The following NKPD1 variants were observed in gnomAD, a reference collection of about 807,000 sequenced individuals.
NKPD1 encodes NTPase KAP family P-loop domain containing 1, also known as NTPase KAP family P-loop domain-containing protein 1.
NKPD1 carries 37 observed loss-of-function variants against 42.2 expected under a neutral mutation model. The ratio of observed to expected loss-of-function variants is 0.88; its 90% confidence interval spans 0.67 to 1.15. The LOEUF is 1.15. Ranked by LOEUF, NKPD1 falls within the 50% of genes most tolerant of loss-of-function variation. NKPD1 has a pLI of 0.00. For missense variants in NKPD1, 1,113 were observed against 1,174.6 expected, an observed-to-expected ratio of 0.95 and a Z score of 0.77; for synonymous variants, 552 against 536.5, an observed-to-expected ratio of 1.03 and a Z score of -0.40.
intron 3 of NKPD1, among the ~76,000 whole-genome samples, chr19:45,157,704 G>A (rs1290384488): frequency 1.5e-5 from 2 of 137,806 alleles, no homozygotes; most frequent in African/African-American, 5.5e-5. Context: ...GCATGAGCCA[G>A]TGCGCCCAGA....
Position 45,151,884 on chromosome 19 carries a change from C to G in NKPD1, c.*54G>C. On this transcript the variant is annotated 3_prime_UTR_variant, in exon 5 of 5. Coordinates refer to ENST00000686631, the MANE Select transcript of NKPD1 (RefSeq NM_198478.4). ...GGCCCCAGTCCAGCCCCCTATTCTCCCATCTGGGCAGATGGAGGAACCCTT... is the reference window on the plus strand; with the variant it reads ...GGCCCCAGTCCAGCCCCCTATTCTCGCATCTGGGCAGATGGAGGAACCCTT... 6.8e-7 allele frequency: 1 copy of G among 1,465,218 alleles called. No individual in the cohort carries two copies. The highest frequency in any genetic ancestry group is 9.1e-7 in the Non-Finnish European group (1 of 1,103,370). 90.8% of individuals were successfully genotyped at this position (1,465,218 alleles called of 1,614,324 possible).
Position 45,158,724 on chromosome 19 carries a change from G to A in NKPD1, c.468C>T (p.Pro156=). 1 of 1,201,796 alleles carries A rather than the reference G, an allele frequency of 8.3e-7. No individual in the cohort carries two copies. The highest frequency in any genetic ancestry group is 1.1e-6 in the Non-Finnish European group (1 of 942,556). The allele number at this position is 1,201,796 out of a possible 1,614,324, so 74.4% of individuals were successfully genotyped here. The change falls in exon 3 of 5, where the codon CCC becomes CCT. Residue 156 remains proline, a synonymous_variant. Coordinates refer to ENST00000686631, the MANE Select transcript of NKPD1 (RefSeq NM_198478.4). This position sits in a 1 kb window ranked among gnomAD's most constrained non-coding sequence, Gnocchi z 4.6. The part of the protein sequence containing the change: ...AAGVLLKPSE[P]TDARPLPAPA... ...GGGCGGGCAGGGGCCGGGCATCAGT[G>A]GGCTCGCTGGGCTTCAGGAGGACGC... is the stretch of plus-strand genomic sequence containing the variant.
chr19:45,155,114 G>A (rs1026503688), intron 4 of NKPD1, among the ~76,000 whole-genome samples: 3 of 150,698 alleles, frequency 2.0e-5, no homozygotes, highest in African/African-American at 7.3e-5. Flanking sequence ...GAGGTCAAGA[G>A]ATCGAGACCA....
chr19:45,157,079 C>T (rs970214185), intron 3 of NKPD1, among the ~76,000 whole-genome samples: 10 of 152,366 alleles, frequency 6.6e-5, no homozygotes, highest in South Asian at 4.1e-4. Context: ...GAAACCCAGC[C>T]GTCTCCACCT....
chr19:45,158,768 C>T lies in NKPD1; in HGVS notation c.424G>A (p.Ala142Thr), dbSNP rs1370352578. 1 of 1,236,034 alleles carries T rather than the reference C, an allele frequency of 8.1e-7. No homozygotes were observed. Among genetic ancestry groups the T allele is most frequent in the African/African-American group, 1.6e-5 (1 of 63,144 alleles). The allele number at this position is 1,236,034 out of a possible 1,614,324, so 76.6% of individuals were successfully genotyped here. ...TAPAMARSGP[A>T]LPSAAGVLLK... ...AGGACGCCAGCCGCGGAGGGTAGAG[C>T]TGGGCCACTCCTGGCCATGGCTGGT... Residue 142 changes from alanine (A) to threonine (T), a missense_variant, in exon 3 of 5, where the codon GCT (alanine) becomes ACT (threonine). Transcript: ENST00000686631. This position sits in a 1 kb window ranked among gnomAD's most constrained non-coding sequence, Gnocchi z 4.6.
chr19:45,156,228 G>A (rs929710872), intron 3 of NKPD1, among the ~76,000 whole-genome samples: 2 of 152,188 alleles, frequency 1.3e-5, no homozygotes, highest in African/African-American at 2.4e-5. Flanking sequence ...TCACTAGCCC[G>A]TGATTCCCCC....
In NKPD1 at chr19:45,152,048, C is replaced by T. The variant is rs1968788117; in HGVS notation, c.2389G>A (p.Gly797Arg). The stretch of plus-strand genomic sequence containing the variant: ...GTGTGGTGGCCTTCGCCGGCTTGCC[C>T]TGAGGCACGGCCCGACGGGGGCGCC... ...SRAPPSGRAS[G>R]QAGEGHHTGD... is the part of the protein sequence containing the mutation. The change falls in exon 5 of 5, where the codon GGG (glycine) becomes AGG (arginine). Residue 797 changes from glycine (G) to arginine (R), a missense_variant. By Grantham distance (125) the Gly-to-Arg change is moderately radical. This residue lies in a region of NKPD1 where 867 missense variants were observed against 870.1 expected (regional missense o/e 1.00). Transcript: ENST00000686631. 1 of 1,609,260 alleles carries T rather than the reference C, an allele frequency of 6.2e-7. No homozygotes were observed. The highest frequency in any genetic ancestry group is 8.5e-7 in the Non-Finnish European group (1 of 1,178,364).
In NKPD1 at chr19:45,152,026, T is replaced by C; in HGVS notation, c.2411A>G (p.His804Arg). 1 of 1,610,580 alleles carries C rather than the reference T, an allele frequency of 6.2e-7. No homozygotes were observed. Among genetic ancestry groups the C allele is most frequent in the South Asian group, 1.1e-5 (1 of 90,638 alleles). ...GCCCCTGTGGGCCAAGTCCCCAGTG[T>C]GGTGGCCTTCGCCGGCTTGCCCTGA... is the stretch of plus-strand genomic sequence containing the variant. The part of the protein sequence containing the change: ...RASGQAGEGH[H>R]TGDLAHRGKL... The change falls in exon 5 of 5, where the codon CAC becomes CGC. Residue 804 changes from histidine (H) to arginine (R), a missense_variant. Transcript: ENST00000686631.
At chr19:45,155,309 T>G (rs1449243040) in intron 4 of NKPD1, among the ~76,000 whole-genome samples, 1 of 151,180 alleles carries the variant, frequency 6.6e-6, no homozygotes, top group Non-Finnish European at 1.5e-5. Context: ...AGAGCAAGAT[T>G]CCGTCTCAAA....
At chr19:45,153,828 C>T (rs1968851002) in intron 4 of NKPD1, 53 bp from the exon 5 acceptor site, 1 of 1,404,194 alleles carries the variant, frequency 7.1e-7, no homozygotes, top group Non-Finnish European at 9.2e-7. Context: ...CCGGGGTGGG[C>T]GGGGCCTAGT....
At chr19:45,159,194 G>A (rs994400097) in intron 2 of NKPD1, 94 bp from the exon 3 acceptor site, 6 of 1,174,104 alleles carry the variant, frequency 5.1e-6, no homozygotes, top group Non-Finnish European at 6.5e-6. Flanking sequence ...AGAACCTGGG[G>A]GCCAGAGTAT....
upstream of NKPD1, among the ~76,000 whole-genome samples, chr19:45,162,599 C>T (rs1419585658): frequency 6.6e-6 from 1 of 152,106 alleles, no homozygotes; most frequent in Non-Finnish European, 1.5e-5. Flanking sequence ...CTGGCCTCCC[C>T]CTACCCCATG....
chr19:45,152,527 T>A lies in NKPD1; in HGVS notation c.1910A>T (p.Gln637Leu), dbSNP rs749449338. ...AAAGTCCCCCTGCTGCTGCTGCTGC[T>A]GCAGCAGGCGCACGGTGATGGGCAC... The part of the protein sequence containing the change: ...NTVPITVRLL[Q>L]QQQQQGDFGG... The change falls in exon 5 of 5, where the codon CAG (glutamine) becomes CTG (leucine). Residue 637 changes from glutamine (Q) to leucine (L), a missense_variant. Physicochemically the swap from Gln to Leu is moderately radical, Grantham distance 113 (BLOSUM62 -2). Around this residue, in one of 3 missense-constraint regions of NKPD1, gnomAD observed 867 missense variants for 870.1 expected, o/e 1.00. Coordinates refer to ENST00000686631, the MANE Select transcript of NKPD1 (RefSeq NM_198478.4). The A allele has an allele frequency of 8.9e-6, 14 of 1,571,728 alleles. No individual in the cohort carries two copies. Among genetic ancestry groups the A allele is most frequent in the East Asian group, 4.7e-5 (2 of 42,658 alleles).
chr19:45,153,196 AGCCGCTCGATCTTCTT>A lies in NKPD1; in HGVS notation c.1225_1240del (p.Lys409TrpfsTer17), dbSNP rs762040821. 51 of 1,589,044 alleles carry A rather than the reference AGCCGCTCGATCTTCTT, an allele frequency of 3.2e-5. No homozygotes were observed. Among genetic ancestry groups the A allele is most frequent in the Non-Finnish European group, 3.8e-5 (44 of 1,168,418 alleles). On this transcript the variant is annotated frameshift_variant, in exon 5 of 5. Coordinates refer to ENST00000686631, the MANE Select transcript of NKPD1 (RefSeq NM_198478.4). LOFTEE classifies it high-confidence loss of function. ...GCTGCCGAACTTTTCACGCGACACC[AGCCGCTCGATCTTCTT>A]GCGCTGGCTTACGAACAGGTGCTTG...
rs1439787549 is a variant in NKPD1 at position 45,153,415 on chromosome 19, C to G, written c.1022G>C (p.Cys341Ser). Reference protein sequence around the residue: ...QSEWHCRRRVCLGLLALLAAL... With the variant: ...QSEWHCRRRVSLGLLALLAAL... ...CGCCAGCAGCGCCAGCAGCCCCAGG[C>G]ACACGCGGCGCCGACAATGCCACTC... The change falls in exon 5 of 5, where the codon TGC (cysteine) becomes TCC (serine). Residue 341 changes from cysteine to serine, a missense_variant. Physicochemically the swap from Cys to Ser is moderately radical, Grantham distance 112. This residue lies in a region of NKPD1 where 867 missense variants were observed against 870.1 expected (regional missense o/e 1.00). Transcript: ENST00000686631. 6.4e-7 allele frequency: 1 copy of G among 1,550,622 alleles called. No individual in the cohort carries two copies. Among genetic ancestry groups the G allele is most frequent in the Non-Finnish European group, 8.7e-7 (1 of 1,151,874 alleles).
rs775563021 is a variant in NKPD1 at position 45,153,684 on chromosome 19, C to T, written c.753G>A (p.Pro251=). ...GGAACACCAGGTACCACAGTAGCTGCGGGACGCCCCAGCCGCTCACGGCAC... is the reference window on the plus strand; with the variant it reads ...GGAACACCAGGTACCACAGTAGCTGTGGGACGCCCCAGCCGCTCACGGCAC... ...RPRAVSGWGV[P]QLLWYLVFLQ... The change falls in exon 5 of 5, where the codon CCG becomes CCA. Residue 251 remains proline (P), a synonymous_variant. Coordinates refer to ENST00000686631, the MANE Select transcript of NKPD1 (RefSeq NM_198478.4). 2 of 1,553,962 alleles carry T rather than the reference C, an allele frequency of 1.3e-6. No homozygotes were observed. The highest frequency in any genetic ancestry group is 1.7e-6 in the Non-Finnish European group (2 of 1,148,738).
chr19:45,160,130 G>A lies in NKPD1; in HGVS notation c.21C>T (p.Val7=), dbSNP rs1167796724. The A allele has an allele frequency of 2.3e-6, 3 of 1,305,044 alleles. No homozygotes were observed. Among genetic ancestry groups the A allele is most frequent in the Non-Finnish European group, 2.0e-6 (2 of 988,750 alleles). The allele number at this position is 1,305,044 out of a possible 1,614,324, so 80.8% of individuals were successfully genotyped here. ...GGCTCTGGGCATCCTTGGCGAAGTGGACTTTGTAATGTTTGTGCATGGCAG... is the reference window on the plus strand; with the variant it reads ...GGCTCTGGGCATCCTTGGCGAAGTGAACTTTGTAATGTTTGTGCATGGCAG... MHKHYK[V]HFAKDAQSPN... is the part of the protein sequence containing the mutation. Residue 7 remains valine, a synonymous_variant, in exon 2 of 5, where the codon GTC becomes GTT. Coordinates refer to ENST00000686631, the MANE Select transcript of NKPD1 (RefSeq NM_198478.4).
chr19:45,154,902 G>A (rs1968872933), intron 4 of NKPD1, among the ~76,000 whole-genome samples: 1 of 151,970 alleles, frequency 6.6e-6, no homozygotes, highest in Non-Finnish European at 1.5e-5. Context: ...GTGGGCACCT[G>A]TAGTCCCAGC....
chr19:45,162,694 T>G (rs73564218), upstream of NKPD1, among the ~76,000 whole-genome samples: 1 of 152,182 alleles, frequency 6.6e-6, no homozygotes, highest in Admixed American at 6.5e-5. Flanking sequence ...CGCTCCGTTC[T>G]GTGCACATCG....
Sources: allele counts gnomAD v4.1 joint callset (sites outside exome capture counted in the v4.1 genomes callset), GRCh38; gene constraint gnomAD v4.1.1; regional missense constraint gnomAD v4.1.1; non-coding constraint Gnocchi (gnomAD v3.1); transcripts MANE v1.5; gene names NCBI Gene and HGNC (gene_info 2026-07-23, HGNC 2026-07-21).